ULK4: variants seen among roughly 807,000 people sequenced by gnomAD.
The protein encoded by ULK4 is unc-51 like kinase 4.
A neutral mutation model predicts 160.6 loss-of-function variants in ULK4; 133 were observed. The observed-to-expected ratio is 0.83, with a 90% CI of 0.72 to 0.96. The LOEUF (loss-of-function observed/expected upper bound fraction) is 0.96. Among genes scored for constraint, ULK4 ranks in the 40% least tolerant of loss-of-function variants. The pLI, the probability that ULK4 is intolerant of heterozygous loss-of-function variation, is 0.00. For synonymous variants in ULK4, 534 were observed against 539.8 expected (o/e 0.99, Z 0.15); for missense variants, 1,580 against 1,499.5 (o/e 1.05, Z -0.89).
At chr3:41,712,919 CA>C (rs1013078821) in intron 25 of ULK4, among the ~76,000 whole-genome samples, 67 of 145,838 alleles carry the variant, frequency 4.6e-4, no homozygotes, top group Non-Finnish European at 5.2e-4. Context: ...AAAAAACAAG[CA>C]AAAAAAAAAA....
intron 35 of ULK4, among the ~76,000 whole-genome samples, chr3:41,348,274 T>C (rs1310230481): frequency 7.9e-6 from 1 of 126,634 alleles, no homozygotes; most frequent in Non-Finnish European, 1.7e-5. Context: ...AGATTTCAAA[T>C]GTGAAAGGAT....
intron 21 of ULK4, among the ~76,000 whole-genome samples, chr3:41,768,607 C>T (rs892436504): frequency 1.3e-5 from 2 of 152,154 alleles, no homozygotes; most frequent in African/African-American, 4.8e-5. Context: ...CAGCTTGTAC[C>T]AACTTGCCAG....
intron 5 of ULK4, among the ~76,000 whole-genome samples, chr3:41,921,527 A>AT (rs1279650311): frequency 6.6e-6 from 1 of 152,154 alleles, no homozygotes; most frequent in Admixed American, 6.5e-5. Flanking sequence ...AGGCAGGAGA[A>AT]TGGCATGAAC....
At chr3:41,421,865 G>A (rs552212830) in intron 34 of ULK4, among the ~76,000 whole-genome samples, 4 of 152,230 alleles carry the variant, frequency 2.6e-5, no homozygotes, top group African/African-American at 9.6e-5. Context: ...GAATGCACAC[G>A]TAAAACCATC....
intron 27 of ULK4, among the ~76,000 whole-genome samples, chr3:41,703,833 TGC>T (rs1491363018): frequency 3.2e-5 from 3 of 93,306 alleles, no homozygotes; most frequent in Admixed American, 1.4e-4. Flanking sequence ...TTAATGCGCA[TGC>T]ACACACACAC....
At chr3:41,433,729 T>TTTTC (rs386396439) in intron 34 of ULK4, among the ~76,000 whole-genome samples, 3 of 30,988 alleles carry the variant, frequency 9.7e-5, no homozygotes, top group Non-Finnish European at 1.6e-4. Flanking sequence ...AATCCCAAAC[T>TTTTC]TTTTTTTTGA....
intron 17 of ULK4, among the ~76,000 whole-genome samples, chr3:41,865,711 T>C (rs1045541763): frequency 7.2e-5 from 11 of 152,186 alleles, no homozygotes; most frequent in African/African-American, 2.7e-4. Flanking sequence ...AAATATTTGT[T>C]GACTGGATAC....
At chr3:41,290,045 T>C (rs1474229933) in intron 35 of ULK4, among the ~76,000 whole-genome samples, 1 of 152,064 alleles carries the variant, frequency 6.6e-6, no homozygotes, top group Non-Finnish European at 1.5e-5. Context: ...CTGGCTAATT[T>C]TGTATTTTTA....
chr3:41,785,157 A>T (rs1465931440), intron 21 of ULK4, among the ~76,000 whole-genome samples: 2 of 152,216 alleles, frequency 1.3e-5, no homozygotes, highest in Non-Finnish European at 2.9e-5. Flanking sequence ...TCATCATATC[A>T]TGATGAGTAG....
At chr3:41,524,343 A>G (rs1165068543) in intron 32 of ULK4, among the ~76,000 whole-genome samples, 3 of 152,230 alleles carry the variant, frequency 2.0e-5, no homozygotes, top group African/African-American at 7.2e-5. Context: ...GAGGTCATTT[A>G]CTAAACTAGT....
intron 35 of ULK4, among the ~76,000 whole-genome samples, chr3:41,294,125 G>C (rs2079624566): frequency 6.6e-6 from 1 of 152,218 alleles, no homozygotes; most frequent in Non-Finnish European, 1.5e-5. Context: ...CAGTGCAACA[G>C]TGTTAGGAGA....
chr3:41,835,933 G>A lies in ULK4; in HGVS notation c.1695C>T (p.Phe565=). The A allele has an allele frequency of 1.9e-6, 3 of 1,610,492 alleles. No individual in the cohort carries two copies. Among genetic ancestry groups the A allele is most frequent in the Non-Finnish European group, 2.5e-6 (3 of 1,179,076 alleles). Residue 565 remains phenylalanine, a synonymous_variant, in exon 18 of 37, where the codon TTC becomes TTT. Coordinates refer to ENST00000301831, the MANE Select transcript of ULK4 (RefSeq NM_017886.4). ...VLLTELIREN[F]RNSKLKQCLL... ...GGCACTGTTTTAATTTGCTGTTCCT[G>A]AAGTTTTCCCTAATTAATTCAGTTA...
chr3:41,448,933 T>C (rs535968858), intron 34 of ULK4, among the ~76,000 whole-genome samples: 1 of 152,326 alleles, frequency 6.6e-6, no homozygotes, highest in East Asian at 1.9e-4. Context: ...TCACCCAGGC[T>C]GGAGTGCAAC....
chr3:41,473,677 A>T (rs866020538), intron 32 of ULK4, among the ~76,000 whole-genome samples: 1 of 150,810 alleles, frequency 6.6e-6, no homozygotes, highest in African/African-American at 2.4e-5. Flanking sequence ...AAAAAAAAAA[A>T]AAAAAAAGAA....
intron 21 of ULK4, among the ~76,000 whole-genome samples, chr3:41,774,305 A>C (rs10452017): frequency 0.065 from 9,642 of 149,288 alleles, 958 homozygotes; most frequent in African/African-American, 0.23. Context: ...ATGGGAGAAA[A>C]TTTTTGCAAC....
intron 17 of ULK4, among the ~76,000 whole-genome samples, chr3:41,866,391 T>C (rs758779811): frequency 6.6e-6 from 1 of 152,236 alleles, no homozygotes; most frequent in Non-Finnish European, 1.5e-5. Context: ...AATTTTTCCA[T>C]GGACCAGGGT....
At chr3:41,908,644 C>T (rs1239906091) in intron 11 of ULK4, among the ~76,000 whole-genome samples, 1 of 151,960 alleles carries the variant, frequency 6.6e-6, no homozygotes, top group Non-Finnish European at 1.5e-5. Context: ...CAGGGTTTCA[C>T]CATCTTGACC....
intron 17 of ULK4, among the ~76,000 whole-genome samples, chr3:41,875,280 T>C (rs886997575): frequency 2.0e-5 from 3 of 152,046 alleles, no homozygotes; most frequent in Admixed American, 6.6e-5. Context: ...AGGCCAGGTG[T>C]GATAGCTCAC....
chr3:41,563,030 T>G (rs1462811837), intron 32 of ULK4, among the ~76,000 whole-genome samples: 1 of 152,216 alleles, frequency 6.6e-6, no homozygotes, highest in Non-Finnish European at 1.5e-5. Context: ...AGTGCTTCCT[T>G]TAGGAGCTCT....
Sources: gnomAD v4.1 joint callset for allele counts (sites outside exome capture counted in the v4.1 genomes callset) on GRCh38, gnomAD v4.1.1 for gene constraint, MANE v1.5 for transcripts, NCBI Gene and HGNC (gene_info 2026-07-23, HGNC 2026-07-21) for gene names.